Variants in LRRC4C observed in about 807,000 individuals in gnomAD.
LRRC4C encodes the protein leucine-rich repeat-containing protein 4C.
LRRC4C carries 5 observed loss-of-function variants against 33.6 expected under a neutral mutation model. That is an observed-to-expected ratio of 0.15 (90% confidence interval 0.08 to 0.31). The LOEUF is 0.31. Among genes scored for constraint, LRRC4C ranks in the 10% least tolerant of loss-of-function variants. The probability of loss-of-function intolerance (pLI) is 1.00; values close to 1 mark genes in which losing one functional copy is unlikely to be tolerated. For synonymous variants in LRRC4C, 329 were observed against 302.0 expected (o/e 1.09, Z -0.93); for missense variants, 560 against 796.7 (o/e 0.70, Z 3.58).
At chr11:41,417,916 ATG>A (rs151022015) in intron 1 of LRRC4C, among the ~76,000 whole-genome samples, 25 of 150,120 alleles carry the variant, frequency 1.7e-4, no homozygotes, top group East Asian at 5.9e-4. Context: ...TATATGGTGT[ATG>A]TGTGTGTGTG....
At chr11:40,565,262 T>C (rs1957709342) in intron 3 of LRRC4C, among the ~76,000 whole-genome samples, 1 of 152,166 alleles carries the variant, frequency 6.6e-6, no homozygotes, top group African/African-American at 2.4e-5. Flanking sequence ...AGAGACAGAC[T>C]GTGGCTGCTA....
intron 1 of LRRC4C, among the ~76,000 whole-genome samples, chr11:41,110,805 G>A (rs929544818): frequency 1.3e-5 from 2 of 152,062 alleles, no homozygotes; most frequent in African/African-American, 4.8e-5. Context: ...TTTTTTTAAG[G>A]AGCACTTTTT....
chr11:41,316,262 C>CAAAAAAAAAAAAAAAAAAAAAAAAA (rs60671406), intron 1 of LRRC4C, among the ~76,000 whole-genome samples: 6 of 78,024 alleles, frequency 7.7e-5, no homozygotes, highest in African/African-American at 1.0e-4. Flanking sequence ...CTCTGGATGG[C>CAAAAAAAAAAAAAAAAAAAAAAAAA]AAAAAAAAAA....
At chr11:40,202,826 C>CT (rs996327073) in intron 5 of LRRC4C, among the ~76,000 whole-genome samples, 1 of 152,172 alleles carries the variant, frequency 6.6e-6, no homozygotes, top group African/African-American at 2.4e-5. Context: ...AAATTCACTG[C>CT]TTTACTCCAG....
At chr11:41,157,780 A>G (rs1462646991) in intron 1 of LRRC4C, among the ~76,000 whole-genome samples, 1 of 152,044 alleles carries the variant, frequency 6.6e-6, no homozygotes, top group East Asian at 1.9e-4. Context: ...GTGGGTATAT[A>G]GTAGGTGTGT....
intron 1 of LRRC4C, among the ~76,000 whole-genome samples, chr11:41,155,536 T>A (rs1944191044): frequency 6.6e-6 from 1 of 152,102 alleles, no homozygotes. Context: ...CCCAAAGCAG[T>A]TCTTTGCTCT....
chr11:41,438,382 T>C (rs1824808009), intron 1 of LRRC4C, among the ~76,000 whole-genome samples: 1 of 152,000 alleles, frequency 6.6e-6, no homozygotes, highest in African/African-American at 2.4e-5. Flanking sequence ...ACAAATATAA[T>C]AATACAAATT....
At chr11:40,198,224 G>T (rs1225149202) in intron 5 of LRRC4C, among the ~76,000 whole-genome samples, 1 of 152,146 alleles carries the variant, frequency 6.6e-6, no homozygotes, top group Non-Finnish European at 1.5e-5. Context: ...GTTTCATGTA[G>T]ACAAATACAT....
intron 5 of LRRC4C, among the ~76,000 whole-genome samples, chr11:40,223,258 T>C (rs1348746029): frequency 1.3e-5 from 2 of 152,016 alleles, no homozygotes; most frequent in Non-Finnish European, 2.9e-5. Context: ...AGGCCTGAAG[T>C]GGTTGGGGCA....
chr11:41,359,824 C>T (rs1032631772), intron 1 of LRRC4C, among the ~76,000 whole-genome samples: 3 of 152,082 alleles, frequency 2.0e-5, no homozygotes, highest in African/African-American at 7.2e-5. Context: ...CGTGCTTAAC[C>T]ACTTAACATG....
At chr11:40,696,023 G>A (rs1409174979) in intron 2 of LRRC4C, among the ~76,000 whole-genome samples, 4 of 127,554 alleles carry the variant, frequency 3.1e-5, no homozygotes, top group Non-Finnish European at 6.1e-5. Context: ...TATATGTGGT[G>A]TGTGTGTGTA....
intron 3 of LRRC4C, among the ~76,000 whole-genome samples, chr11:40,506,711 T>C (rs1287815759): frequency 1.3e-5 from 2 of 152,060 alleles, no homozygotes; most frequent in Non-Finnish European, 2.9e-5. Context: ...GGAAAGAAAT[T>C]GGATTAGTCC....
chr11:41,353,756 A>G (rs550754183), intron 1 of LRRC4C, among the ~76,000 whole-genome samples: 7 of 152,306 alleles, frequency 4.6e-5, no homozygotes, highest in African/African-American at 1.7e-4. Context: ...CATAAACAGA[A>G]CTAAAAACAA....
intron 1 of LRRC4C, among the ~76,000 whole-genome samples, chr11:41,235,890 G>A (rs746235245): frequency 6.6e-5 from 10 of 152,074 alleles, no homozygotes; most frequent in Non-Finnish European, 1.2e-4. Context: ...GGGTAATGAG[G>A]TAGATACTCC....
chr11:40,147,862 T>G (rs1857872228), intron 5 of LRRC4C, among the ~76,000 whole-genome samples: 1 of 151,958 alleles, frequency 6.6e-6, no homozygotes, highest in Non-Finnish European at 1.5e-5. Context: ...AGCCTAGTAT[T>G]CATTAGTTAT....
At chr11:41,343,107 C>T (rs1951692485) in intron 1 of LRRC4C, among the ~76,000 whole-genome samples, 1 of 152,198 alleles carries the variant, frequency 6.6e-6, no homozygotes, top group Non-Finnish European at 1.5e-5. Context: ...ATGATCTCAT[C>T]ACAAGATTTT....
intron 1 of LRRC4C, among the ~76,000 whole-genome samples, chr11:41,289,509 G>T (rs1311224926): frequency 6.6e-6 from 1 of 152,096 alleles, no homozygotes; most frequent in African/African-American, 2.4e-5. Context: ...AATCTGATAG[G>T]GCTGGAGTCC....
intron 1 of LRRC4C, among the ~76,000 whole-genome samples, chr11:41,125,226 G>A (rs921175447): frequency 6.6e-6 from 1 of 152,050 alleles, no homozygotes; most frequent in Non-Finnish European, 1.5e-5. Flanking sequence ...TATATTTTCT[G>A]ATGATTATCT....
At chr11:40,210,939 A>AT (rs112944486) in intron 5 of LRRC4C, among the ~76,000 whole-genome samples, 9,833 of 150,834 alleles carry the variant, frequency 0.065, 1,040 homozygotes, top group African/African-American at 0.22. Flanking sequence ...TGCCTGGCTA[A>AT]TTTTTTTTTG....
Sources: allele counts gnomAD v4.1 joint callset (sites outside exome capture counted in the v4.1 genomes callset), GRCh38; gene constraint gnomAD v4.1.1; transcripts MANE v1.5; gene names NCBI Gene and HGNC (gene_info 2026-07-23, HGNC 2026-07-21).